SELENON: variants seen among roughly 807,000 people sequenced by gnomAD.
SELENON encodes the protein selenoprotein N, 1.
SELENON carries 44 observed loss-of-function variants against 59.5 expected under a neutral mutation model. That is an observed-to-expected ratio of 0.74 (90% confidence interval 0.58 to 0.95). The LOEUF (loss-of-function observed/expected upper bound fraction) is 0.95. Ranked by LOEUF, SELENON falls within the 40% of genes least tolerant of loss-of-function variation. The probability of loss-of-function intolerance (pLI) is 0.00; values close to 1 mark genes in which losing one functional copy is unlikely to be tolerated. For synonymous variants in SELENON, 320 were observed against 305.6 expected (o/e 1.05, Z -0.49); for missense variants, 674 against 721.4 (o/e 0.93, Z 0.75).
rs374153551 is a variant in SELENON, at chr1:25,812,673, C to T, written c.1282-14C>T. The T allele has an allele frequency of 9.4e-6, 15 of 1,602,924 alleles. No homozygotes were observed. Among genetic ancestry groups the T allele is most frequent in the South Asian group, 6.7e-5 (6 of 89,204 alleles). ...CTTTGATGATGGCTTCGCTCTGTCT[C>T]GGTGTGGCCCCAGGTCTCCTACTTG... is the stretch of plus-strand genomic sequence containing the variant. On this transcript the variant is annotated splice_polypyrimidine_tract_variant and intron_variant, in intron 9 of 12. Coordinates refer to ENST00000361547, the MANE Select transcript of SELENON (RefSeq NM_020451.3).
At chr1:25,809,238 G>A in intron 6 of SELENON, 88 bp downstream of exon 5, 1 of 1,584,336 alleles carries the variant, frequency 6.3e-7, no homozygotes, top group South Asian at 1.1e-5. Context: ...GAGCCCCCCA[G>A]CTCCACCTCT....
Position 25,815,595 on chromosome 1 carries a change from G to C in SELENON, c.1650G>C (p.Lys550Asn). 3.1e-6 allele frequency: 5 copies of C among 1,614,196 alleles called. No homozygotes were observed. Among genetic ancestry groups the C allele is most frequent in the Non-Finnish European group, 4.2e-6 (5 of 1,180,030 alleles). Residue 550 changes from lysine (K) to asparagine (N), a missense_variant, in exon 13 of 13, where the codon AAG (lysine) becomes AAC (asparagine). Transcript: ENST00000361547. ...ACTTCTTGGACATCACCTCCGTGAAGCCCGAGGAAATCGAGAGCAATCTCT... is the reference window on the plus strand; with the variant it reads ...ACTTCTTGGACATCACCTCCGTGAACCCCGAGGAAATCGAGAGCAATCTCT...
Position 25,811,886 on chromosome 1 carries a change from C to T in SELENON, c.1281+7C>T, listed in dbSNP as rs1399346865. ...CATGTACCCCTTCAAGAAGGTGAGG[C>T]TGGGCAGGGGTGAAGGCCAGGGTCA... On this transcript the variant is annotated splice_region_variant and intron_variant, in intron 9 of 12. Transcript: ENST00000361547. The T allele has an allele frequency of 6.4e-7, 1 of 1,556,818 alleles. No homozygotes were observed. The highest frequency in any genetic ancestry group is 2.4e-5 in the East Asian group (1 of 41,714).
chr1:25,808,664 C>T lies in SELENON; in HGVS notation c.622C>T (p.Pro208Ser). 6.2e-7 allele frequency: 1 copy of T among 1,614,082 alleles called. No individual in the cohort carries two copies. The highest frequency in any genetic ancestry group is 8.5e-7 in the Non-Finnish European group (1 of 1,179,996). Residue 208 changes from proline to serine, a missense_variant, in exon 5 of 13, where the codon CCC (proline) becomes TCC (serine). Pro to Ser is a moderately conservative substitution (Grantham distance 74). Coordinates refer to ENST00000361547, the MANE Select transcript of SELENON (RefSeq NM_020451.3). Reference sequence around the variant, plus strand: ...AGTGTTTGCCACCCGCCACTTCCAGCCCTTCCTTCCCCCGCCAGGCCAGGA... The same window carrying T: ...AGTGTTTGCCACCCGCCACTTCCAGTCCTTCCTTCCCCCGCCAGGCCAGGA...
intron 10 of SELENON, chr1:25,813,489 G>A (rs2047984184): frequency 2.8e-6 from 1 of 363,484 alleles, no homozygotes; most frequent in South Asian, 2.1e-5. Flanking sequence ...GGGGGTCAGG[G>A]AAGGCTTTGT....
At position 25,811,856 on chromosome 1, in the gene SELENON, G is replaced by C. The variant is rs768144311; in HGVS notation, c.1258G>C (p.Val420Leu). 7 of 1,571,688 alleles carry C rather than the reference G, an allele frequency of 4.5e-6. No homozygotes were observed. Among genetic ancestry groups the C allele is most frequent in the Non-Finnish European group, 6.0e-6 (7 of 1,158,438 alleles). Reference sequence around the variant, plus strand: ...GGAGGAGGCTGCCCGGCGCCTGGAGGTGGCCATGTACCCCTTCAAGAAGGT... The same window carrying C: ...GGAGGAGGCTGCCCGGCGCCTGGAGCTGGCCATGTACCCCTTCAAGAAGGT... The change falls in exon 9 of 13, where the codon GTG (valine) becomes CTG (leucine). Residue 420 changes from valine (V) to leucine (L), a missense_variant. By Grantham distance (32) the Val-to-Leu change is conservative. Transcript: ENST00000361547.
At chr1:25,801,984 C>A (rs964265942) in intron 2 of SELENON, 21 of 252,120 alleles carry the variant, frequency 8.3e-5, no homozygotes, top group Non-Finnish European at 1.1e-4. Context: ...CAATAGACAG[C>A]AGCTATAACT....
chr1:25,802,893 A>C (rs1177000944), intron 3 of SELENON, among the ~76,000 whole-genome samples: 1 of 152,182 alleles, frequency 6.6e-6, no homozygotes, highest in African/African-American at 2.4e-5. Context: ...TCAGTCATTG[A>C]TGGGAAAGGC....
At chr1:25,803,012 C>T (rs1178016423) in intron 3 of SELENON, among the ~76,000 whole-genome samples, 2 of 152,080 alleles carry the variant, frequency 1.3e-5, no homozygotes, top group Non-Finnish European at 2.9e-5. Flanking sequence ...GGCCCGGTGA[C>T]CTGTGATCAC....
chr1:25,817,928 T>A lies in SELENON; in HGVS notation c.*2210T>A, dbSNP rs1254731328. On this transcript the variant is annotated 3_prime_UTR_variant, in exon 13 of 13. Coordinates refer to ENST00000361547, the MANE Select transcript of SELENON (RefSeq NM_020451.3). ...GCCCCTTATGGGGAGGGAGGGCGTC[T>A]GATGCTCTCTCTCTGCCTCCCCCCC... 1 of 133,944 alleles carries A rather than the reference T, an allele frequency of 7.5e-6. No homozygotes were observed. The highest frequency in any genetic ancestry group is 8.1e-5 in the Admixed American group (1 of 12,394). The allele number at this position is 133,944 out of a possible 1,614,324, so 8.3% of individuals were successfully genotyped here.
In SELENON at chr1:25,807,631, C is replaced by G. The variant is rs1043599148; in HGVS notation, c.538-949C>G. On this transcript the variant is annotated intron_variant, in intron 4 of 12. Transcript: ENST00000361547. This position sits in a 1 kb window ranked among gnomAD's most constrained non-coding sequence, Gnocchi z 4.5. ...GGGGTGGCAAGCCTACAAGCAGGAC[C>G]CAGGAAGGCGGGCTCGGCCTGGCCC... 6.6e-6 allele frequency among the ~76,000 whole-genome samples: 1 copy of G among 152,182 alleles called. No homozygotes were observed. The highest frequency in any genetic ancestry group is 1.5e-5 in the Non-Finnish European group (1 of 68,034).
At chr1:25,803,889 G>A (rs1047279477) in intron 3 of SELENON, among the ~76,000 whole-genome samples, 3 of 152,016 alleles carry the variant, frequency 2.0e-5, no homozygotes, top group Non-Finnish European at 2.9e-5. Flanking sequence ...TTTTAGTAGA[G>A]ACGGGGTTTC....
At position 25,808,660 on chromosome 1, in the gene SELENON, C is replaced by A. The variant is rs772257589; in HGVS notation, c.618C>A (p.Phe206Leu). The A allele has an allele frequency of 1.9e-6, 3 of 1,614,056 alleles. No individual in the cohort carries two copies. The highest frequency in any genetic ancestry group is 2.5e-6 in the Non-Finnish European group (3 of 1,179,988). Residue 206 changes from phenylalanine to leucine, a missense_variant, in exon 5 of 13, where the codon TTC (phenylalanine) becomes TTA (leucine). Coordinates refer to ENST00000361547, the MANE Select transcript of SELENON (RefSeq NM_020451.3). The stretch of plus-strand genomic sequence containing the variant: ...GTGCAGTGTTTGCCACCCGCCACTT[C>A]CAGCCCTTCCTTCCCCCGCCAGGCC...
chr1:25,800,328 T>C lies in SELENON; in HGVS notation c.98T>C (p.Leu33Pro). The C allele has an allele frequency of 2.0e-6, 2 of 1,007,772 alleles. No homozygotes were observed. The highest frequency in any genetic ancestry group is 2.4e-6 in the Non-Finnish European group (2 of 845,836). The allele number at this position is 1,007,772 out of a possible 1,614,324, so 62.4% of individuals were successfully genotyped here. Residue 33 changes from leucine to proline, a missense_variant, in exon 1 of 13, where the codon CTG becomes CCG. Physicochemically the swap from Leu to Pro is moderately conservative, Grantham distance 98. Coordinates refer to ENST00000361547, the MANE Select transcript of SELENON (RefSeq NM_020451.3). ...CGCCGCCGCGCCCGTTCCCTGGCGCTGCTCGGAGCCCTGCTGGCCGCCGCC... is the reference window on the plus strand; with the variant it reads ...CGCCGCCGCGCCCGTTCCCTGGCGCCGCTCGGAGCCCTGCTGGCCGCCGCC...
chr1:25,814,150 T>C lies in SELENON; in HGVS notation c.1574T>C (p.Met525Thr), dbSNP rs761631813. 10 of 1,613,994 alleles carry C rather than the reference T, an allele frequency of 6.2e-6. No individual in the cohort carries two copies. The East Asian group carries it at 8.9e-5, about 14-fold the overall frequency. ...GAGAAGTACAGCTTCCCCGTGGAGA[T>C]GATGATCTGCCTGCCCAATGGCACC... Residue 525 changes from methionine to threonine, a missense_variant, in exon 12 of 13, where the codon ATG (methionine) becomes ACG (threonine). Coordinates refer to ENST00000361547, the MANE Select transcript of SELENON (RefSeq NM_020451.3).
At position 25,800,576 on chromosome 1, in the gene SELENON, G is replaced by A. The variant is rs1489046335; in HGVS notation, c.183+163G>A. Among the ~76,000 whole-genome samples the A allele has an allele frequency of 3.3e-5, 5 of 151,510 alleles. No individual in the cohort carries two copies. In the South Asian group the frequency reaches 1.0e-3, roughly 32 times the overall value. ...GAAGGAGGGGACACGGGAGGCGGGT[G>A]GGGGGTGCCTGGGGCCGGGCTGATG... On this transcript the variant is annotated intron_variant, in intron 1 of 12. Transcript: ENST00000361547.
At chr1:25,806,492 G>A (rs757556794) in intron 4 of SELENON, among the ~76,000 whole-genome samples, 1 of 152,140 alleles carries the variant, frequency 6.6e-6, no homozygotes, top group African/African-American at 2.4e-5. Flanking sequence ...GGCAGGGAGC[G>A]GCTCCTCATG....
chr1:25,808,856 T>G, intron 5 of SELENON, 67 bp downstream of exon 4: 1 of 1,593,940 alleles, frequency 6.3e-7, no homozygotes, highest in Non-Finnish European at 8.6e-7. Flanking sequence ...CCCCTCTGTC[T>G]GCGCCTGGAC....
Position 25,816,361 on chromosome 1 carries a change from GCTAT to G in SELENON, c.*646_*649del, listed in dbSNP as rs2048011167. 1 of 152,768 alleles carries G rather than the reference GCTAT, an allele frequency of 6.5e-6. No homozygotes were observed. Among genetic ancestry groups the G allele is most frequent in the African/African-American group, 2.4e-5 (1 of 41,466 alleles). 9.5% of individuals were successfully genotyped at this position (152,768 alleles called of 1,614,324 possible). A position where few individuals can be genotyped will look rare whatever the true frequency, so the allele number is the denominator to read the frequency against. ...GCTTCCCTGACCACGCCACTGACCAGCTATCTGGGGAAGTTTACTGTGAAGGGGT... is the reference window on the plus strand; with the variant it reads ...GCTTCCCTGACCACGCCACTGACCAGCTGGGGAAGTTTACTGTGAAGGGGT... On this transcript the variant is annotated 3_prime_UTR_variant, in exon 13 of 13. Coordinates refer to ENST00000361547, the MANE Select transcript of SELENON (RefSeq NM_020451.3).
Sources: gnomAD v4.1 joint callset for allele counts (sites outside exome capture counted in the v4.1 genomes callset) on GRCh38, gnomAD v4.1.1 for gene constraint, Gnocchi (gnomAD v3.1) non-coding constraint, MANE v1.5 for transcripts, NCBI Gene and HGNC (gene_info 2026-07-23, HGNC 2026-07-21) for gene names.